DZANK1: variants seen among roughly 807,000 people sequenced by gnomAD.
The protein encoded by DZANK1 is double zinc ribbon and ankyrin repeat domains 1.
In DZANK1, 91 loss-of-function variants were observed where a neutral mutation model predicts 94.5. The observed-to-expected ratio is 0.96, with a 90% CI of 0.81 to 1.15. DZANK1 has a LOEUF of 1.15. Among genes scored for constraint, DZANK1 ranks in the 50% most tolerant of loss-of-function variants. DZANK1 has a pLI of 0.00. For synonymous variants in DZANK1, 312 were observed against 325.3 expected (o/e 0.96, Z 0.44); for missense variants, 903 against 916.4 (o/e 0.99, Z 0.19).
intron 8 of DZANK1, among the ~76,000 whole-genome samples, chr20:18,434,466 A>C (rs976712296): frequency 6.6e-6 from 1 of 150,468 alleles, no homozygotes; most frequent in African/African-American, 2.4e-5. Context: ...AATCACTTGA[A>C]GCCAGGAGGC....
intron 9 of DZANK1, among the ~76,000 whole-genome samples, chr20:18,428,284 G>A (rs1391379459): frequency 6.6e-6 from 1 of 151,484 alleles, no homozygotes; most frequent in African/African-American, 2.4e-5. Flanking sequence ...TGCCTCCCGG[G>A]TTCAAGTGAT....
chr20:18,412,731 CT>C lies in DZANK1; in HGVS notation c.1346del (p.Lys449ArgfsTer5). ...GCTTTTGAGAGGCTAGTTCCTGTTC[CT>C]TTTTTGCTAGCAGCTTGCCAGATGG... On this transcript the variant is annotated frameshift_variant, in exon 13 of 21. Transcript: ENST00000262547. LOFTEE classifies it high-confidence loss of function. 6.2e-7 allele frequency: 1 copy of C among 1,613,702 alleles called. No individual in the cohort carries two copies. Among genetic ancestry groups the C allele is most frequent in the Non-Finnish European group, 8.5e-7 (1 of 1,179,762 alleles).
exon 18 of DZANK1, chr20:18,390,402 C>T (rs2055894717): frequency 6.2e-7 from 1 of 1,614,002 alleles, no homozygotes. Context: ...TGTTCAATCA[C>T]AGAGACTCTT....
intron 8 of DZANK1, among the ~76,000 whole-genome samples, chr20:18,438,106 C>G (rs890641517): frequency 6.7e-6 from 1 of 149,866 alleles, no homozygotes; most frequent in African/African-American, 2.5e-5. Flanking sequence ...CTAGTCCCAG[C>G]TACTCGGGAG....
chr20:18,463,323 C>G (rs1221333292), intron 2 of DZANK1, among the ~76,000 whole-genome samples: 2 of 152,072 alleles, frequency 1.3e-5, no homozygotes, highest in African/African-American at 4.8e-5. Context: ...TACAAATGGA[C>G]ATAAAGATGG....
chr20:18,425,053 A>C (rs2057977521), intron 10 of DZANK1, among the ~76,000 whole-genome samples: 1 of 152,212 alleles, frequency 6.6e-6, no homozygotes, highest in African/African-American at 2.4e-5. Flanking sequence ...AAGAATGAGA[A>C]AACTTTTCAG....
chr20:18,458,524 T>C (rs1236084641), intron 3 of DZANK1, among the ~76,000 whole-genome samples: 2 of 152,260 alleles, frequency 1.3e-5, no homozygotes, highest in African/African-American at 2.4e-5. Context: ...TGTTGTTTAA[T>C]GTTAAACAGA....
chr20:18,410,099 C>A (rs558688486), intron 13 of DZANK1, among the ~76,000 whole-genome samples: 4 of 148,732 alleles, frequency 2.7e-5, no homozygotes, highest in African/African-American at 4.9e-5. Context: ...AGGAAATAAT[C>A]CAAAGGAATA....
intron 8 of DZANK1, among the ~76,000 whole-genome samples, chr20:18,442,013 G>A: frequency 6.6e-6 from 1 of 152,106 alleles, no homozygotes; most frequent in African/African-American, 2.4e-5. Flanking sequence ...CTGAGTCGTG[G>A]GTCTAAGTAG....
At chr20:18,417,024 C>CAAA (rs758353663) in intron 10 of DZANK1, among the ~76,000 whole-genome samples, 10 of 52,906 alleles carry the variant, frequency 1.9e-4, no homozygotes, top group Non-Finnish European at 4.0e-4. Flanking sequence ...ATCAAAAAAA[C>CAAA]AAAAAAAAAC....
exon 12 of DZANK1, chr20:18,414,422 C>T (rs1248224688): frequency 4.3e-6 from 7 of 1,613,982 alleles, no homozygotes; most frequent in South Asian, 1.1e-5. Flanking sequence ...AGGGACTTCA[C>T]ACAAATACCA....
At chr20:18,405,064 T>C (rs926799636) in intron 13 of DZANK1, among the ~76,000 whole-genome samples, 2 of 151,812 alleles carry the variant, frequency 1.3e-5, no homozygotes, top group African/African-American at 4.8e-5. Context: ...AGCATGATGG[T>C]GTGCACCTTT....
chr20:18,425,482 C>T (rs896591984), intron 10 of DZANK1, among the ~76,000 whole-genome samples: 3 of 150,038 alleles, frequency 2.0e-5, no homozygotes, highest in African/African-American at 4.9e-5. Flanking sequence ...ACCAGGGAGG[C>T]GGAGGTTGCA....
chr20:18,431,919 C>T (rs1411869237), intron 9 of DZANK1, among the ~76,000 whole-genome samples: 2 of 152,210 alleles, frequency 1.3e-5, no homozygotes, highest in Non-Finnish European at 2.9e-5. Flanking sequence ...AACTTTGTCT[C>T]ACCTATGGAG....
chr20:18,389,724 T>G, exon 19 of DZANK1: 1 of 1,613,948 alleles, frequency 6.2e-7, no homozygotes, highest in Non-Finnish European at 8.5e-7. Context: ...GGTCGATGTC[T>G]GCTCCTCTCT....
At chr20:18,398,592 A>C in exon 14 of DZANK1, 1 of 1,614,012 alleles carries the variant, frequency 6.2e-7, no homozygotes, top group Non-Finnish European at 8.5e-7. Flanking sequence ...ACCTGAGGTG[A>C]GCAGAGATGT....
chr20:18,448,461 T>C (rs898080106), intron 7 of DZANK1, among the ~76,000 whole-genome samples: 2 of 152,184 alleles, frequency 1.3e-5, no homozygotes, highest in Admixed American at 1.3e-4. Flanking sequence ...ATTTTCTTGA[T>C]TGTGACAGTG....
chr20:18,398,288 G>A, intron 14 of DZANK1: 1 of 503,784 alleles, frequency 2.0e-6, no homozygotes. Context: ...AGCATGAGAT[G>A]TTCAGAATTT....
intron 10 of DZANK1, among the ~76,000 whole-genome samples, chr20:18,422,072 C>A (rs904697828): frequency 1.3e-4 from 20 of 152,006 alleles, no homozygotes; most frequent in African/African-American, 4.8e-4. Flanking sequence ...TGATGTAATT[C>A]TGTTTGTCTA....
Sources: gnomAD v4.1 joint callset for allele counts (sites outside exome capture counted in the v4.1 genomes callset) on GRCh38, gnomAD v4.1.1 for gene constraint, MANE v1.5 for transcripts, NCBI Gene and HGNC (gene_info 2026-07-23, HGNC 2026-07-21) for gene names.